SLC5A12: variants seen among roughly 807,000 people sequenced by gnomAD.
The protein encoded by SLC5A12 is sodium-coupled monocarboxylate transporter 2.
A neutral mutation model predicts 72.7 loss-of-function variants in SLC5A12; 46 were observed. The observed-to-expected ratio is 0.63, with a 90% CI of 0.50 to 0.81. SLC5A12 has a LOEUF of 0.81. Ranked by LOEUF, SLC5A12 falls within the 30% of genes least tolerant of loss-of-function variation. The probability of loss-of-function intolerance (pLI) is 0.00; values close to 1 mark genes in which losing one functional copy is unlikely to be tolerated. For synonymous variants in SLC5A12, 275 were observed against 264.4 expected (o/e 1.04, Z -0.39); for missense variants, 683 against 740.7 (o/e 0.92, Z 0.90).
chr11:26,717,371 A>C (rs1193932016), intron 1 of SLC5A12, among the ~76,000 whole-genome samples: 1 of 152,182 alleles, frequency 6.6e-6, no homozygotes, highest in Non-Finnish European at 1.5e-5. Flanking sequence ...TAGGTAAATA[A>C]TAGCAAACTA....
intron 3 of SLC5A12, 113 bp from the exon 4 acceptor site, chr11:26,709,492 A>T: frequency 1.3e-6 from 1 of 742,594 alleles, no homozygotes; most frequent in African/African-American, 1.8e-5. Context: ...AGGCAAAAAT[A>T]AAATCAAATT....
chr11:26,687,073 C>T (rs1236525235), intron 9 of SLC5A12, among the ~76,000 whole-genome samples: 1 of 151,958 alleles, frequency 6.6e-6, no homozygotes, highest in Non-Finnish European at 1.5e-5. Flanking sequence ...CCTTATGGTC[C>T]TTAGTTACAT....
chr11:26,695,798 A>G (rs11822508), intron 8 of SLC5A12, among the ~76,000 whole-genome samples: 20,349 of 152,078 alleles, frequency 0.13, 1,703 homozygotes, highest in African/African-American at 0.24. Context: ...ACCACTTCAT[A>G]AAGGCTTGTT....
At chr11:26,688,063 A>G (rs751719464) in intron 9 of SLC5A12, among the ~76,000 whole-genome samples, 1 of 152,188 alleles carries the variant, frequency 6.6e-6, no homozygotes, top group Non-Finnish European at 1.5e-5. Flanking sequence ...CCCTCAATTC[A>G]TAAGTTCTTC....
At chr11:26,681,700 C>T (rs1009122934) in intron 11 of SLC5A12, among the ~76,000 whole-genome samples, 5 of 152,040 alleles carry the variant, frequency 3.3e-5, no homozygotes, top group African/African-American at 1.2e-4. Flanking sequence ...AGTATGAATA[C>T]TAGCAAGTGC....
chr11:26,708,454 A>T (rs1855141717), intron 4 of SLC5A12, among the ~76,000 whole-genome samples: 1 of 152,118 alleles, frequency 6.6e-6, no homozygotes, highest in Non-Finnish European at 1.5e-5. Flanking sequence ...AGATCAGGCT[A>T]TTTTAAAATT....
At chr11:26,698,964 G>A (rs1186135888) in intron 6 of SLC5A12, among the ~76,000 whole-genome samples, 1 of 152,130 alleles carries the variant, frequency 6.6e-6, no homozygotes, top group Non-Finnish European at 1.5e-5. Flanking sequence ...AGCTAACACA[G>A]AAATAGATAA....
In SLC5A12 at chr11:26,670,993, T is replaced by C. The variant is rs1854125969; in HGVS notation, c.*109A>G. 1.0e-6 allele frequency: 1 copy of C among 972,024 alleles called. No individual in the cohort carries two copies. Among genetic ancestry groups the C allele is most frequent in the African/African-American group, 1.7e-5 (1 of 59,246 alleles). 60.2% of individuals were successfully genotyped at this position (972,024 alleles called of 1,614,324 possible). A position where few individuals can be genotyped will look rare whatever the true frequency, so the allele number is the denominator to read the frequency against. On this transcript the variant is annotated 3_prime_UTR_variant, in exon 15 of 15. Coordinates refer to ENST00000396005, the MANE Select transcript of SLC5A12 (RefSeq NM_178498.4). ...ATAGGCACCAGACATCCCTGTCTTC[T>C]AGCAATGGCAACTATACATATCTAC...
Position 26,671,079 on chromosome 11 carries a change from T to G in SLC5A12, c.*23A>C. 6 of 1,577,662 alleles carry G rather than the reference T, an allele frequency of 3.8e-6. No individual in the cohort carries two copies. Among genetic ancestry groups the G allele is most frequent in the Non-Finnish European group, 5.2e-6 (6 of 1,160,246 alleles). The stretch of plus-strand genomic sequence containing the variant: ...TGTGTGTGTGTATTGCACGTGTGTG[T>G]GTGCATTCATACAGGTATTGCCTTA... On this transcript the variant is annotated 3_prime_UTR_variant, in exon 15 of 15. Coordinates refer to ENST00000396005, the MANE Select transcript of SLC5A12 (RefSeq NM_178498.4).
At position 26,697,255 on chromosome 11, in the gene SLC5A12, G is replaced by C. The variant is rs1399310331; in HGVS notation, c.952-3C>G. ...TCCATGACAAAGTACGGCATCAGCT[G>C]AAGAGGAGGCAAAACATAAAAAAAT... On this transcript the variant is annotated splice_polypyrimidine_tract_variant and splice_region_variant and intron_variant, in intron 7 of 14. Coordinates refer to ENST00000396005, the MANE Select transcript of SLC5A12 (RefSeq NM_178498.4). The C allele has an allele frequency of 6.2e-7, 1 of 1,603,618 alleles. No individual in the cohort carries two copies. Among genetic ancestry groups the C allele is most frequent in the African/African-American group, 1.4e-5 (1 of 74,062 alleles).
At chr11:26,688,027 G>T (rs1327332584) in intron 9 of SLC5A12, among the ~76,000 whole-genome samples, 1 of 152,138 alleles carries the variant, frequency 6.6e-6, no homozygotes, top group Non-Finnish European at 1.5e-5. Flanking sequence ...ATGGTTACCT[G>T]TTCAAATGAG....
At chr11:26,707,390 A>G (rs992555132) in intron 4 of SLC5A12, among the ~76,000 whole-genome samples, 2 of 152,036 alleles carry the variant, frequency 1.3e-5, no homozygotes, top group Non-Finnish European at 2.9e-5. Flanking sequence ...TAATTTTTTG[A>G]AACACTACCT....
At chr11:26,673,721 G>T (rs998507325) in intron 13 of SLC5A12, among the ~76,000 whole-genome samples, 192 bp from the exon 14 acceptor site, 2 of 152,102 alleles carry the variant, frequency 1.3e-5, no homozygotes, top group East Asian at 1.9e-4. Flanking sequence ...TCAACAAATT[G>T]TCAGGTCAGG....
chr11:26,687,009 G>T (rs758571269), intron 9 of SLC5A12, among the ~76,000 whole-genome samples: 1 of 152,018 alleles, frequency 6.6e-6, no homozygotes, highest in Non-Finnish European at 1.5e-5. Context: ...AACAGGTTTC[G>T]CAAATCTGGA....
intron 13 of SLC5A12, among the ~76,000 whole-genome samples, chr11:26,674,897 G>A (rs2133132464): frequency 6.6e-6 from 1 of 152,280 alleles, no homozygotes. Flanking sequence ...AAATAGGTAA[G>A]TATTGTTATT....
chr11:26,678,937 C>T (rs1190015728), intron 12 of SLC5A12, 122 bp from the exon 13 acceptor site: 1 of 525,674 alleles, frequency 1.9e-6, no homozygotes, highest in Non-Finnish European at 3.3e-6. Flanking sequence ...AACTTTTTGT[C>T]ATTTAAAAAA....
Position 26,711,295 on chromosome 11 carries a change from C to T in SLC5A12, c.457+12G>A. 2.5e-6 allele frequency: 4 copies of T among 1,609,412 alleles called. No homozygotes were observed. Among genetic ancestry groups the T allele is most frequent in the Admixed American group, 1.7e-5 (1 of 59,764 alleles). ...AATGGTAAAATATGCCAAGAGAATGCTGATAACTCACCTTGATTGAGTGCC... is the reference window on the plus strand; with the variant it reads ...AATGGTAAAATATGCCAAGAGAATGTTGATAACTCACCTTGATTGAGTGCC... On this transcript the variant is annotated intron_variant, in intron 3 of 14. Coordinates refer to ENST00000396005, the MANE Select transcript of SLC5A12 (RefSeq NM_178498.4).
intron 11 of SLC5A12, 79 bp downstream of exon 11, chr11:26,683,678 A>ATCC: frequency 8.4e-7 from 1 of 1,184,968 alleles, no homozygotes; most frequent in Non-Finnish European, 1.2e-6. Flanking sequence ...TAGCTTTTCT[A>ATCC]AACAGGGCTG....
chr11:26,701,131 T>C (rs899046086), intron 6 of SLC5A12, among the ~76,000 whole-genome samples: 1 of 150,976 alleles, frequency 6.6e-6, no homozygotes, highest in Non-Finnish European at 1.5e-5. Context: ...TCCAGCTGTG[T>C]GACAGATGGG....
Sources: gnomAD v4.1 joint callset for allele counts (sites outside exome capture counted in the v4.1 genomes callset) on GRCh38, gnomAD v4.1.1 for gene constraint, MANE v1.5 for transcripts, NCBI Gene and HGNC (gene_info 2026-07-23, HGNC 2026-07-21) for gene names.